Variants in DENND5A observed in about 807,000 individuals in gnomAD.
DENND5A encodes DENN domain-containing protein 5A.
Under a neutral mutation model 140.3 loss-of-function variants are expected in DENND5A, and 64 were observed. The ratio of observed to expected loss-of-function variants is 0.46; its 90% CI spans 0.37 to 0.56. DENND5A has a LOEUF of 0.56. DENND5A is among the 20% of genes least tolerant of loss of function. The pLI is 0.00. For missense variants in DENND5A, 1,292 were observed against 1,593.8 expected (o/e 0.81, Z 3.22); for synonymous variants, 605 against 607.7 (o/e 1.00, Z 0.07).
intron 6 of DENND5A, among the ~76,000 whole-genome samples, chr11:9,180,446 C>T (rs1848690666): frequency 6.6e-6 from 1 of 152,122 alleles, no homozygotes; most frequent in Non-Finnish European, 1.5e-5. Flanking sequence ...GAGTAAGAAC[C>T]TCTCTCAAAA....
intron 17 of DENND5A, 152 bp downstream of exon 17, chr11:9,145,518 G>T: frequency 1.1e-6 from 1 of 877,966 alleles, no homozygotes; most frequent in Non-Finnish European, 1.8e-6. Context: ...GTCAGTCTTT[G>T]GATCCAGCCT....
chr11:9,263,051 A>G (rs923163603), intron 1 of DENND5A, among the ~76,000 whole-genome samples: 2 of 151,330 alleles, frequency 1.3e-5, no homozygotes, highest in Non-Finnish European at 2.9e-5. Flanking sequence ...TAAAACTAAA[A>G]TTTTTTTAAA....
chr11:9,244,229 T>C (rs186749570), intron 1 of DENND5A, among the ~76,000 whole-genome samples: 144 of 152,338 alleles, frequency 9.5e-4, no homozygotes, highest in African/African-American at 3.4e-3. Flanking sequence ...TCTGCTGTGG[T>C]TTAAATGTGT....
chr11:9,224,914 A>T (rs1387502607), intron 1 of DENND5A, among the ~76,000 whole-genome samples: 1 of 151,900 alleles, frequency 6.6e-6, no homozygotes, highest in Non-Finnish European at 1.5e-5. Context: ...CCCATCCCCA[A>T]GTTCTTCTGG....
chr11:9,154,974 AC>A (rs1363485781), intron 12 of DENND5A, among the ~76,000 whole-genome samples: 1 of 151,922 alleles, frequency 6.6e-6, no homozygotes, highest in Non-Finnish European at 1.5e-5. Flanking sequence ...ACAGGAGGAA[AC>A]CCCATCTCTA....
chr11:9,166,142 G>A (rs1038997087), intron 10 of DENND5A, among the ~76,000 whole-genome samples, 175 bp from the exon 11 acceptor site: 2 of 149,944 alleles, frequency 1.3e-5, no homozygotes, highest in Non-Finnish European at 3.0e-5. Flanking sequence ...GCAGTGGTGT[G>A]ATCTCAGCTC....
At chr11:9,182,679 G>A (rs898629042) in intron 5 of DENND5A, among the ~76,000 whole-genome samples, 6 of 152,184 alleles carry the variant, frequency 3.9e-5, no homozygotes, top group African/African-American at 1.2e-4. Context: ...AATACCACAT[G>A]TTCTCACTTG....
intron 11 of DENND5A, among the ~76,000 whole-genome samples, chr11:9,161,191 C>CA (rs1335621137): frequency 1.3e-5 from 2 of 152,072 alleles, no homozygotes; most frequent in African/African-American, 2.4e-5. Flanking sequence ...ATTAAAAATA[C>CA]AAAAAAATTA....
intron 5 of DENND5A, 81 bp from the exon 6 acceptor site, chr11:9,181,165 AGGGC>A: frequency 1.5e-6 from 2 of 1,317,186 alleles, no homozygotes; most frequent in Non-Finnish European, 1.0e-6. Flanking sequence ...AGTGAACAAG[AGGGC>A]AAAAACAAAA....
chr11:9,219,367 A>G (rs1444503673), intron 1 of DENND5A, among the ~76,000 whole-genome samples: 1 of 152,204 alleles, frequency 6.6e-6, no homozygotes. Context: ...ATTTCTCAAT[A>G]GCAACACTGG....
intron 1 of DENND5A, among the ~76,000 whole-genome samples, chr11:9,213,957 A>T (rs1849985437): frequency 6.6e-6 from 1 of 152,154 alleles, no homozygotes; most frequent in Non-Finnish European, 1.5e-5. Context: ...ATCTGCAGCA[A>T]GAGTGATGAA....
chr11:9,222,935 TA>T (rs1240708217), intron 1 of DENND5A, among the ~76,000 whole-genome samples: 1 of 152,218 alleles, frequency 6.6e-6, no homozygotes, highest in Non-Finnish European at 1.5e-5. Context: ...ACATAGCTAT[TA>T]ACTGCTAAAT....
intron 16 of DENND5A, 98 bp downstream of exon 16, chr11:9,146,931 GA>G: frequency 7.2e-7 from 1 of 1,380,504 alleles, no homozygotes; most frequent in Non-Finnish European, 1.0e-6. Flanking sequence ...AAGTACAAGG[GA>G]TAATCTTCTT....
intron 4 of DENND5A, among the ~76,000 whole-genome samples, chr11:9,200,373 T>C (rs1849482400): frequency 6.6e-6 from 1 of 152,220 alleles, no homozygotes; most frequent in South Asian, 2.1e-4. Context: ...TCCAAGTCTA[T>C]ATTTCACCCA....
chr11:9,161,889 A>C (rs1199586302), intron 11 of DENND5A, among the ~76,000 whole-genome samples: 1 of 151,628 alleles, frequency 6.6e-6, no homozygotes, highest in African/African-American at 2.4e-5. Context: ...CTCTTAAGTA[A>C]CTTGCCCAAA....
chr11:9,169,867 C>G lies in DENND5A; in HGVS notation c.2140G>C (p.Asp714His). Residue 714 changes from aspartate to histidine, a missense_variant, in exon 10 of 23, where the codon GAC becomes CAC. Asp to His is a moderately conservative substitution (Grantham distance 81). Coordinates refer to ENST00000328194, the MANE Select transcript of DENND5A (RefSeq NM_015213.4). The stretch of plus-strand genomic sequence containing the variant: ...TTAAGGTATCTTACCTCCCTCTGGT[C>G]ATTATCTAAACGCAGGTGTTCTGTG... The part of the protein sequence containing the change: ...QHTEHLRLDN[D>H]QREKYIQEAR... 6.2e-7 allele frequency: 1 copy of G among 1,607,834 alleles called. No individual in the cohort carries two copies.
intron 1 of DENND5A, among the ~76,000 whole-genome samples, chr11:9,209,970 A>G (rs1849819921): frequency 6.6e-6 from 1 of 151,978 alleles, no homozygotes; most frequent in African/African-American, 2.4e-5. Context: ...AGCCAGGCGT[A>G]GTGGCGGACA....
chr11:9,247,899 T>C (rs1163203365), intron 1 of DENND5A, among the ~76,000 whole-genome samples: 2 of 152,188 alleles, frequency 1.3e-5, no homozygotes, highest in African/African-American at 2.4e-5. Flanking sequence ...GAAATACATT[T>C]TGGGGTAAAA....
At position 9,186,343 on chromosome 11, in the gene DENND5A, T is replaced by C. The variant is rs527632246; in HGVS notation, c.1138-5259A>G. On this transcript the variant is annotated intron_variant, in intron 5 of 22. Coordinates refer to ENST00000328194, the MANE Select transcript of DENND5A (RefSeq NM_015213.4). ...CATCAGGCTGCGCCATTAGAAGAGA[T>C]AAAGACAGAATTAAATCATCTAGTC... 2.6e-5 allele frequency among the ~76,000 whole-genome samples: 4 copies of C among 152,322 alleles called. No homozygotes were observed. In the East Asian group the frequency reaches 7.7e-4, roughly 29 times the overall value.
Sources: gnomAD v4.1 joint callset for allele counts (sites outside exome capture counted in the v4.1 genomes callset) on GRCh38, gnomAD v4.1.1 for gene constraint, MANE v1.5 for transcripts, NCBI Gene and HGNC (gene_info 2026-07-23, HGNC 2026-07-21) for gene names.